The following MYO18B variants were observed in gnomAD, a reference collection of about 807,000 sequenced individuals.
The protein encoded by MYO18B is unconventional myosin-XVIIIb.
A neutral mutation model predicts 273.0 loss-of-function variants in MYO18B; 204 were observed. The ratio of observed to expected loss-of-function variants is 0.75; its 90% confidence interval spans 0.67 to 0.84. The LOEUF (loss-of-function observed/expected upper bound fraction) is 0.84, where lower values mean the gene tolerates loss of function less well. Ranked by LOEUF, MYO18B falls within the 40% of genes least tolerant of loss-of-function variation. The pLI, the probability that MYO18B is intolerant of heterozygous loss-of-function variation, is 0.00. For missense variants in MYO18B, 3,212 were observed against 3,287.6 expected, an observed-to-expected ratio of 0.98 and a Z score of 0.56; for synonymous variants, 1,330 against 1,305.7, an observed-to-expected ratio of 1.02 and a Z score of -0.40.
chr22:25,909,141 T>A (rs570716386), intron 32 of MYO18B, among the ~76,000 whole-genome samples: 8 of 152,222 alleles, frequency 5.3e-5, no homozygotes, highest in South Asian at 2.1e-4. Flanking sequence ...TCTGCCCTTA[T>A]AACCAGTGCC....
At chr22:25,765,228 G>C (rs2086462665) in intron 3 of MYO18B, among the ~76,000 whole-genome samples, 1 of 152,184 alleles carries the variant, frequency 6.6e-6, no homozygotes, top group Non-Finnish European at 1.5e-5. Flanking sequence ...ATATTCCTGG[G>C]GCTGGAGCAA....
intron 11 of MYO18B, among the ~76,000 whole-genome samples, chr22:25,793,016 A>G (rs1210555574): frequency 6.6e-6 from 1 of 152,136 alleles, no homozygotes; most frequent in Non-Finnish European, 1.5e-5. Flanking sequence ...AACTTGTTAT[A>G]GAGTATGGGG....
At chr22:25,973,846 T>G (rs1477594955) in intron 39 of MYO18B, among the ~76,000 whole-genome samples, 1 of 152,224 alleles carries the variant, frequency 6.6e-6, no homozygotes, top group Non-Finnish European at 1.5e-5. Flanking sequence ...CCTTTTGAAC[T>G]CACACATGAC....
At chr22:25,926,675 T>C (rs2092426118) in intron 34 of MYO18B, among the ~76,000 whole-genome samples, 1 of 152,186 alleles carries the variant, frequency 6.6e-6, no homozygotes, top group Non-Finnish European at 1.5e-5. Context: ...TCTGCAAATA[T>C]GGATATGATC....
rs940955437 is a variant in MYO18B, at chr22:25,815,416, G to T, written c.2522-8089G>T. 2.6e-5 allele frequency among the ~76,000 whole-genome samples: 4 copies of T among 152,148 alleles called. 1 individual carries two copies. The highest frequency in any genetic ancestry group is 9.7e-5 in the African/African-American group (4 of 41,442). ...TCTCCCTGACAACTCTGCTCCTCAG[G>T]TTGGGTCACCTGCTCTGGGACACAC... On this transcript the variant is annotated intron_variant, in intron 12 of 43. Transcript: ENST00000335473.
chr22:25,990,543 C>T (rs1288915397), intron 39 of MYO18B, among the ~76,000 whole-genome samples: 1 of 151,726 alleles, frequency 6.6e-6, no homozygotes, highest in Non-Finnish European at 1.5e-5. Flanking sequence ...ATAAATTAGC[C>T]AAGTGTGGTC....
chr22:25,968,217 C>G (rs1422133916), intron 39 of MYO18B, among the ~76,000 whole-genome samples: 1 of 152,178 alleles, frequency 6.6e-6, no homozygotes, highest in Non-Finnish European at 1.5e-5. Context: ...TATGCCCACA[C>G]CTAAACCAAG....
At chr22:25,999,567 T>C (rs1242911371) in intron 40 of MYO18B, among the ~76,000 whole-genome samples, 13 of 86,372 alleles carry the variant, frequency 1.5e-4, no homozygotes, top group South Asian at 1.1e-3. Context: ...TTCCCCCTCC[T>C]CCTCTTCCCC....
At chr22:25,998,995 T>C (rs545971315) in intron 40 of MYO18B, among the ~76,000 whole-genome samples, 2 of 152,282 alleles carry the variant, frequency 1.3e-5, no homozygotes, top group South Asian at 2.1e-4. Context: ...CGGGAAATAA[T>C]GATAATTGTA....
chr22:25,908,737 C>A (rs1384253155), intron 32 of MYO18B, among the ~76,000 whole-genome samples: 1 of 152,168 alleles, frequency 6.6e-6, no homozygotes, highest in Non-Finnish European at 1.5e-5. Flanking sequence ...AATAATAGAA[C>A]CAATTCTTTC....
At chr22:25,749,470 C>T (rs533223517) in intron 1 of MYO18B, among the ~76,000 whole-genome samples, 1 of 152,282 alleles carries the variant, frequency 6.6e-6, no homozygotes, top group Non-Finnish European at 1.5e-5. Context: ...GGGCCTGATA[C>T]AGAGAGAGGT....
intron 14 of MYO18B, 44 bp from the exon 15 acceptor site, chr22:25,828,731 AT>A: frequency 6.4e-7 from 1 of 1,573,066 alleles, no homozygotes; most frequent in Non-Finnish European, 8.7e-7. Context: ...GTGCTCCTAG[AT>A]TCCATGCCAT....
intron 1 of MYO18B, among the ~76,000 whole-genome samples, chr22:25,755,212 TA>T (rs1372765697): frequency 6.6e-6 from 1 of 152,086 alleles, no homozygotes; most frequent in Non-Finnish European, 1.5e-5. Context: ...AATTTTATTT[TA>T]TTTTTTTTTT....
chr22:26,027,105 G>A lies in MYO18B; in HGVS notation c.7131G>A (p.Ser2377=), dbSNP rs374454209. Residue 2377 remains serine (S), a synonymous_variant, in exon 43 of 44, where the codon TCG becomes TCA. Transcript: ENST00000335473. This position sits in a 1 kb window ranked among gnomAD's most constrained non-coding sequence, Gnocchi z 4.1. ...SPTTPRDMLL[S]PTLRPRRRCL... The stretch of plus-strand genomic sequence containing the variant: ...CCACACCCAGGGACATGCTGTTGTC[G>A]CCCACACTGCGTCCTCGGAGGCGGT... The A allele has an allele frequency of 8.1e-6, 13 of 1,613,950 alleles. No homozygotes were observed. The highest frequency in any genetic ancestry group is 6.7e-5 in the African/African-American group (5 of 75,032).
At chr22:26,008,548 C>T (rs910365867) in intron 42 of MYO18B, among the ~76,000 whole-genome samples, 4 of 152,158 alleles carry the variant, frequency 2.6e-5, no homozygotes, top group Non-Finnish European at 4.4e-5. Context: ...TATAAGGGGA[C>T]GTCAACTCAA....
chr22:25,834,586 G>C (rs1054278399), intron 16 of MYO18B, among the ~76,000 whole-genome samples: 1 of 152,166 alleles, frequency 6.6e-6, no homozygotes, highest in Non-Finnish European at 1.5e-5. Context: ...GTTGGTTACT[G>C]TGCATGTTGC....
rs761201347 is a variant in MYO18B, at chr22:25,876,325, C to T, written c.4217C>T (p.Ala1406Val). The change falls in exon 24 of 44, where the codon GCC (alanine) becomes GTC (valine). Residue 1406 changes from alanine (A) to valine (V), a missense_variant. Physicochemically the swap from Ala to Val is moderately conservative, Grantham distance 64. Transcript: ENST00000335473. ...ACCATTGGAACTGAGCAGCTCCGAG[C>T]CAAGGAGGTCAGTCTATGTGGCAGG... ...SATIGTEQLR[A>V]KEEELTTLRR... 2 of 1,610,262 alleles carry T rather than the reference C, an allele frequency of 1.2e-6. No individual in the cohort carries two copies. The highest frequency in any genetic ancestry group is 4.5e-5 in the East Asian group (2 of 44,766).
intron 21 of MYO18B, among the ~76,000 whole-genome samples, chr22:25,855,794 A>G (rs2146074724): frequency 6.6e-6 from 1 of 152,060 alleles, no homozygotes; most frequent in African/African-American, 2.4e-5. Flanking sequence ...GGTTGAATGT[A>G]CAAATATCTC....
intron 12 of MYO18B, among the ~76,000 whole-genome samples, chr22:25,808,858 A>G (rs1316881483): frequency 6.6e-6 from 1 of 152,180 alleles, no homozygotes; most frequent in African/African-American, 2.4e-5. Context: ...AAGCTGTGTC[A>G]TTGCTATCAT....
Sources: allele counts gnomAD v4.1 joint callset (sites outside exome capture counted in the v4.1 genomes callset), GRCh38; gene constraint gnomAD v4.1.1; non-coding constraint Gnocchi (gnomAD v3.1); transcripts MANE v1.5; gene names NCBI Gene and HGNC (gene_info 2026-07-23, HGNC 2026-07-21).